KCNH7: variants seen among roughly 807,000 people sequenced by gnomAD.
KCNH7 encodes the protein potassium voltage-gated channel subfamily H member 7.
KCNH7 carries 49 observed loss-of-function variants against 120.8 expected under a neutral mutation model. The ratio of observed to expected loss-of-function variants is 0.41; its 90% CI spans 0.32 to 0.51. The LOEUF (loss-of-function observed/expected upper bound fraction) is 0.51, where lower values mean the gene tolerates loss of function less well. KCNH7 is among the 20% of genes least tolerant of loss of function. The pLI is 0.38. For missense variants in KCNH7, 1,097 were observed against 1,446.6 expected (o/e 0.76, Z 3.92); for synonymous variants, 547 against 516.1 (o/e 1.06, Z -0.81).
chr2:162,769,667 A>G (rs1441281993), intron 2 of KCNH7, among the ~76,000 whole-genome samples: 3 of 151,894 alleles, frequency 2.0e-5, no homozygotes, highest in Non-Finnish European at 4.4e-5. Flanking sequence ...TATAGTTTAT[A>G]TATATTATGC....
Position 162,373,638 on chromosome 2 carries a change from G to C in KCNH7, c.3156C>G (p.Asp1052Glu), listed in dbSNP as rs757752754. ...LNRLESQMTT[D>E]IQTILQLLQK... is the part of the protein sequence containing the mutation. ...GCAGCAACTGTAAGATGGTCTGGAT[G>C]TCAGTGGTCATTTGGGATTCAAGCC... Residue 1052 changes from aspartate (D) to glutamate (E), a missense_variant, in exon 15 of 16, where the codon GAC becomes GAG. Physicochemically the swap from Asp to Glu is conservative, Grantham distance 45. This residue lies in a region of KCNH7 where 406 missense variants were observed against 410.5 expected (regional missense o/e 0.99). Coordinates refer to ENST00000332142, the MANE Select transcript of KCNH7 (RefSeq NM_033272.4). 1 of 1,530,202 alleles carries C rather than the reference G, an allele frequency of 6.5e-7. No individual in the cohort carries two copies. 94.8% of individuals were successfully genotyped at this position (1,530,202 alleles called of 1,614,324 possible).
chr2:162,618,672 G>A (rs1157108424), intron 2 of KCNH7, among the ~76,000 whole-genome samples: 3 of 152,072 alleles, frequency 2.0e-5, no homozygotes, highest in East Asian at 1.9e-4. Context: ...ACAAATTTAT[G>A]TTTATTGTTG....
At chr2:162,613,494 C>G (rs1334755617) in intron 2 of KCNH7, among the ~76,000 whole-genome samples, 1 of 151,920 alleles carries the variant, frequency 6.6e-6, no homozygotes, top group African/African-American at 2.4e-5. Flanking sequence ...ATCCCCGAAG[C>G]CTGTTGTTGC....
At chr2:162,823,978 C>G (rs897484956) in intron 2 of KCNH7, among the ~76,000 whole-genome samples, 1 of 152,104 alleles carries the variant, frequency 6.6e-6, no homozygotes, top group Non-Finnish European at 1.5e-5. Context: ...ATTTCTGTAG[C>G]AGAGCATTAG....
At chr2:162,811,048 T>G (rs370998419) in intron 2 of KCNH7, among the ~76,000 whole-genome samples, 2 of 152,098 alleles carry the variant, frequency 1.3e-5, no homozygotes, top group East Asian at 1.9e-4. Context: ...GCCTTGAGAT[T>G]TGGTGGCAGC....
chr2:162,527,037 C>T (rs998864709), intron 3 of KCNH7, among the ~76,000 whole-genome samples: 8 of 151,962 alleles, frequency 5.3e-5, no homozygotes, highest in Non-Finnish European at 7.4e-5. Flanking sequence ...TCCCTCCGTT[C>T]GGGGTCCCTG....
intron 6 of KCNH7, among the ~76,000 whole-genome samples, chr2:162,497,405 A>G (rs2105734444): frequency 6.6e-6 from 1 of 152,274 alleles, no homozygotes; most frequent in Middle Eastern, 3.4e-3. Context: ...TAGATGGTAT[A>G]TAAATTTAAA....
chr2:162,817,250 C>G (rs190226053), intron 2 of KCNH7, among the ~76,000 whole-genome samples: 1 of 152,270 alleles, frequency 6.6e-6, no homozygotes, highest in East Asian at 1.9e-4. Context: ...GAGGCAACTA[C>G]TGTTTTGATT....
At chr2:162,567,005 G>A (rs961452447) in intron 2 of KCNH7, among the ~76,000 whole-genome samples, 34 of 151,942 alleles carry the variant, frequency 2.2e-4, no homozygotes, top group African/African-American at 8.0e-4. Flanking sequence ...ACTGAAGAAA[G>A]GCAGGCCTGT....
At chr2:162,739,486 C>T (rs114508332) in intron 2 of KCNH7, among the ~76,000 whole-genome samples, 5,466 of 152,272 alleles carry the variant, frequency 0.036, 120 homozygotes, top group South Asian at 0.052. Flanking sequence ...TGCACCTCTA[C>T]TAACTGCTTC....
At chr2:162,577,334 T>A (rs1693711694) in intron 2 of KCNH7, among the ~76,000 whole-genome samples, 1 of 141,960 alleles carries the variant, frequency 7.0e-6, no homozygotes, top group African/African-American at 2.6e-5. Context: ...TCTATCTGTC[T>A]ATCATCTATC....
intron 2 of KCNH7, among the ~76,000 whole-genome samples, chr2:162,593,505 C>T (rs2105937503): frequency 6.6e-6 from 1 of 152,128 alleles, no homozygotes; most frequent in Non-Finnish European, 1.5e-5. Flanking sequence ...ATTTTTCTTT[C>T]CTTCCAGAAA....
At chr2:162,577,359 A>AT (rs1297591893) in intron 2 of KCNH7, among the ~76,000 whole-genome samples, 2 of 79,912 alleles carry the variant, frequency 2.5e-5, no homozygotes, top group Admixed American at 2.4e-4. Context: ...CTATCTATCT[A>AT]TCTATCTATC....
At chr2:162,471,663 C>A (rs1278496992) in intron 6 of KCNH7, among the ~76,000 whole-genome samples, 1 of 152,134 alleles carries the variant, frequency 6.6e-6, no homozygotes, top group Non-Finnish European at 1.5e-5. Flanking sequence ...CCATACTGCC[C>A]AAGGTAATTT....
intron 2 of KCNH7, among the ~76,000 whole-genome samples, chr2:162,620,899 A>T (rs760374120): frequency 2.0e-5 from 3 of 152,144 alleles, no homozygotes; most frequent in Non-Finnish European, 4.4e-5. Flanking sequence ...GATTATCCGA[A>T]CTGGGACACA....
intron 8 of KCNH7, 31 bp downstream of exon 8, chr2:162,435,167 C>T: frequency 6.4e-7 from 1 of 1,572,312 alleles, no homozygotes; most frequent in Non-Finnish European, 8.7e-7. Context: ...TTATTCTATC[C>T]TAATAGACAA....
intron 2 of KCNH7, among the ~76,000 whole-genome samples, chr2:162,568,807 G>A (rs1165610077): frequency 6.6e-6 from 1 of 151,932 alleles, no homozygotes; most frequent in Non-Finnish European, 1.5e-5. Context: ...CTCAGATATT[G>A]CATGTATAAC....
At chr2:162,509,933 GC>G (rs1691011531) in intron 5 of KCNH7, among the ~76,000 whole-genome samples, 1 of 151,520 alleles carries the variant, frequency 6.6e-6, no homozygotes, top group Non-Finnish European at 1.5e-5. Context: ...CATTAAAGGG[GC>G]AAAATTGTAT....
intron 2 of KCNH7, among the ~76,000 whole-genome samples, chr2:162,636,272 C>G (rs916631871): frequency 6.6e-6 from 1 of 152,094 alleles, no homozygotes; most frequent in Non-Finnish European, 1.5e-5. Flanking sequence ...TTATATGTAT[C>G]TAAAACATTC....
Sources: gnomAD v4.1 joint callset for allele counts (sites outside exome capture counted in the v4.1 genomes callset) on GRCh38, gnomAD v4.1.1 for gene constraint, gnomAD v4.1.1 regional missense constraint, MANE v1.5 for transcripts, NCBI Gene and HGNC (gene_info 2026-07-23, HGNC 2026-07-21) for gene names.